The following RBM43 variants were observed in gnomAD, a reference collection of about 807,000 sequenced individuals.
The protein encoded by RBM43 is RNA binding motif protein 43.
Under a neutral mutation model 12.4 loss-of-function variants are expected in RBM43, and 12 were observed. The ratio of observed to expected loss-of-function variants is 0.97; its 90% confidence interval spans 0.62 to 1.57. The LOEUF is 1.57. Among genes scored for constraint, RBM43 ranks in the 40% most tolerant of loss-of-function variants. The pLI, the probability that RBM43 is intolerant of heterozygous loss-of-function variation, is 0.00. For synonymous variants in RBM43, 138 were observed against 145.7 expected, an observed-to-expected ratio of 0.95 and a Z score of 0.38; for missense variants, 348 against 400.1, an observed-to-expected ratio of 0.87 and a Z score of 1.11.
intron 1 of RBM43, among the ~76,000 whole-genome samples, chr2:151,259,841 G>A (rs903381168): frequency 6.6e-6 from 1 of 151,358 alleles, no homozygotes; most frequent in Non-Finnish European, 1.5e-5. Context: ...TTTCTTTTGG[G>A]AGATCTTTTT....
At chr2:151,261,133 A>G in intron 1 of RBM43, 1 of 1,183,412 alleles carries the variant, frequency 8.5e-7, no homozygotes, top group Non-Finnish European at 1.2e-6. Flanking sequence ...CAAGGCTTTT[A>G]AGCGATTGAT....
chr2:151,253,834 C>T (rs1447686430), intron 2 of RBM43, among the ~76,000 whole-genome samples: 1 of 152,124 alleles, frequency 6.6e-6, no homozygotes, highest in Admixed American at 6.5e-5. Flanking sequence ...CACAGGCCTC[C>T]TTGCTGTTCT....
At chr2:151,257,325 C>A (rs1203204577) in intron 1 of RBM43, among the ~76,000 whole-genome samples, 2 of 151,918 alleles carry the variant, frequency 1.3e-5, no homozygotes, top group African/African-American at 4.9e-5. Context: ...CACACACACA[C>A]ACACACAAAC....
At chr2:151,252,676 G>C (rs541485158) in intron 3 of RBM43, 79 bp downstream of exon 3, 1 of 764,476 alleles carries the variant, frequency 1.3e-6, no homozygotes, top group East Asian at 2.5e-5. Context: ...AGAGCACTTT[G>C]TGTCGCCTGC....
chr2:151,259,029 G>C (rs1683011572), intron 1 of RBM43, among the ~76,000 whole-genome samples: 1 of 151,952 alleles, frequency 6.6e-6, no homozygotes, highest in South Asian at 2.1e-4. Flanking sequence ...TGTAGTCCCA[G>C]CTACTTGGGA....
Position 151,255,573 on chromosome 2 carries a change from T to C in RBM43, c.174A>G (p.Arg58=). Residue 58 remains arginine, a synonymous_variant, in exon 2 of 4, where the codon AGA becomes AGG. Coordinates refer to ENST00000331426, the MANE Select transcript of RBM43 (RefSeq NM_198557.3). ...GDVEDVIYPT[R]TKGVAYVIFK... ...ATATTACATATGCAACTCCCTTGGTTCTTGTCGGATATATCACATCTTCAA... is the reference window on the plus strand; with the variant it reads ...ATATTACATATGCAACTCCCTTGGTCCTTGTCGGATATATCACATCTTCAA... 1 of 1,614,050 alleles carries C rather than the reference T, an allele frequency of 6.2e-7. No individual in the cohort carries two copies. Among genetic ancestry groups the C allele is most frequent in the Non-Finnish European group, 8.5e-7 (1 of 1,179,958 alleles).
chr2:151,258,517 G>A (rs1436611649), intron 1 of RBM43, among the ~76,000 whole-genome samples: 1 of 152,006 alleles, frequency 6.6e-6, no homozygotes, highest in Non-Finnish European at 1.5e-5. Flanking sequence ...CCAACATGGT[G>A]AAACCTAGTC....
At chr2:151,261,040 T>C in intron 1 of RBM43, 1 of 528,866 alleles carries the variant, frequency 1.9e-6, no homozygotes, top group South Asian at 2.4e-5. Context: ...ACGACGCCTC[T>C]ACCGCCACCA....
intron 1 of RBM43, chr2:151,261,448 C>G (rs914452322): frequency 1.3e-6 from 2 of 1,550,616 alleles, no homozygotes; most frequent in Non-Finnish European, 8.7e-7. Context: ...AGTCCTGAGC[C>G]TCTGGAGCGG....
chr2:151,250,974 C>A lies in RBM43; in HGVS notation c.1006G>T (p.Gly336Ter). 6.2e-7 allele frequency: 1 copy of A among 1,612,598 alleles called. No individual in the cohort carries two copies. Among genetic ancestry groups the A allele is most frequent in the Non-Finnish European group, 8.5e-7 (1 of 1,179,110 alleles). ...NLYRTHIDII[G>*]SSSDTYLFKK... ...AACAGGTAAGTGTCAGAAGAAGATC[C>A]TATAATGTCAATGTGTGTCCTATAA... The change falls in exon 4 of 4, where the codon GGA (glycine) becomes TGA (stop). Residue 336 changes from glycine (G) to a stop codon, truncating the protein, a stop_gained. Coordinates refer to ENST00000331426, the MANE Select transcript of RBM43 (RefSeq NM_198557.3). LOFTEE classifies it low-confidence loss of function (END_TRUNC).
chr2:151,254,482 G>A (rs975753080), intron 2 of RBM43, among the ~76,000 whole-genome samples: 1 of 152,182 alleles, frequency 6.6e-6, no homozygotes, highest in Non-Finnish European at 1.5e-5. Context: ...TAAAGGTACT[G>A]AAAATCCATA....
chr2:151,254,287 A>ATCTATCGC (rs146039442), intron 2 of RBM43, among the ~76,000 whole-genome samples: 122 of 149,506 alleles, frequency 8.2e-4, no homozygotes, highest in African/African-American at 2.7e-3. Flanking sequence ...ACCGAGGCCA[A>ATCTATCGC]TCTCTCTCTC....
intron 1 of RBM43, 125 bp downstream of exon 1, chr2:151,261,600 G>T (rs1683047959): frequency 6.5e-7 from 1 of 1,536,514 alleles, no homozygotes; most frequent in South Asian, 1.2e-5. Flanking sequence ...CCCTCCGTGC[G>T]CCGCCCCCTC....
At position 151,260,452 on chromosome 2, in the gene RBM43, G is replaced by A. The variant is rs59089077; in HGVS notation, c.3+1273C>T. The stretch of plus-strand genomic sequence containing the variant: ...AAAACATGCAATCAATTTAAACTCA[G>A]GAAATCTTACTTCAGCTCTATGCCC... On this transcript the variant is annotated intron_variant, in intron 1 of 3. Coordinates refer to ENST00000331426, the MANE Select transcript of RBM43 (RefSeq NM_198557.3). Among the ~76,000 whole-genome samples the A allele has an allele frequency of 3.7e-3, 561 of 152,138 alleles. 4 individuals carry two copies. Among genetic ancestry groups the A allele is most frequent in the African/African-American group, 0.013 (537 of 41,500 alleles).
chr2:151,255,444 C>A, intron 2 of RBM43, 89 bp downstream of exon 2: 1 of 940,702 alleles, frequency 1.1e-6, no homozygotes, highest in African/African-American at 1.7e-5. Context: ...TAAAATTTAC[C>A]AATTCCGTGG....
In RBM43 at chr2:151,248,674, T is replaced by A. The variant is rs1682851627; in HGVS notation, c.*2232A>T. The A allele has an allele frequency of 6.6e-6, 1 of 152,192 alleles. No homozygotes were observed. Among genetic ancestry groups the A allele is most frequent in the African/African-American group, 2.4e-5 (1 of 41,438 alleles). The allele number at this position is 152,192 out of a possible 1,614,324, so 9.4% of individuals were successfully genotyped here. On this transcript the variant is annotated 3_prime_UTR_variant, in exon 4 of 4. Transcript: ENST00000331426. ...GTTTTAAGAAAAACAGACTAAATGA[T>A]CCCTGTAATGTTTGAATATGTTACT...
In RBM43 at chr2:151,261,794, G is replaced by A. The variant is rs1431751057; in HGVS notation, c.-67C>T. The stretch of plus-strand genomic sequence containing the variant: ...CAACCAGCGGAACGCAGGCGATGGG[G>A]AGAGGAGCGAGCAGGCAGGTTTTGG... On this transcript the variant is annotated 5_prime_UTR_variant, in exon 1 of 4. Transcript: ENST00000331426. 9 of 1,559,254 alleles carry A rather than the reference G, an allele frequency of 5.8e-6. No individual in the cohort carries two copies. In the Middle Eastern group the frequency reaches 5.0e-4, roughly 87 times the overall value.
chr2:151,261,700 A>C, intron 1 of RBM43, 25 bp downstream of exon 1: 1 of 1,596,954 alleles, frequency 6.3e-7, no homozygotes. Context: ...CCTGCACCGC[A>C]AAACCCAAAG....
intron 1 of RBM43, among the ~76,000 whole-genome samples, chr2:151,256,065 G>A (rs996985278): frequency 6.6e-6 from 1 of 152,060 alleles, no homozygotes; most frequent in African/African-American, 2.4e-5. Context: ...AGGTTCAAGC[G>A]ATTCTCCTGC....
Sources: gnomAD v4.1 joint callset for allele counts (sites outside exome capture counted in the v4.1 genomes callset) on GRCh38, gnomAD v4.1.1 for gene constraint, MANE v1.5 for transcripts, NCBI Gene and HGNC (gene_info 2026-07-23, HGNC 2026-07-21) for gene names.